Variants in AGBL4 observed in about 807,000 individuals in gnomAD.
The protein encoded by AGBL4 is cytosolic carboxypeptidase 6.
In AGBL4, 58 loss-of-function variants were observed where a neutral mutation model predicts 66.4. The ratio of observed to expected loss-of-function variants is 0.87; its 90% CI spans 0.71 to 1.09. The LOEUF (loss-of-function observed/expected upper bound fraction) is 1.09, where lower values mean the gene tolerates loss of function less well. Ranked by LOEUF, AGBL4 falls within the 50% of genes least tolerant of loss-of-function variation. AGBL4 has a pLI of 0.00. For missense variants in AGBL4, 579 were observed against 631.0 expected (o/e 0.92, Z 0.88); for synonymous variants, 234 against 222.9 (o/e 1.05, Z -0.44).
intron 3 of AGBL4, among the ~76,000 whole-genome samples, chr1:49,459,828 G>A (rs1646471430): frequency 6.6e-6 from 1 of 151,592 alleles, no homozygotes; most frequent in South Asian, 2.1e-4. Context: ...CACTGCTTTT[G>A]CTACATCCCA....
intron 6 of AGBL4, among the ~76,000 whole-genome samples, chr1:48,748,835 T>C (rs1049659771): frequency 1.3e-5 from 2 of 152,090 alleles, no homozygotes; most frequent in Non-Finnish European, 2.9e-5. Context: ...GCCGGGGTTC[T>C]TCAGGTCCTC....
At chr1:49,741,858 T>A (rs1419807861) in intron 2 of AGBL4, among the ~76,000 whole-genome samples, 1 of 152,086 alleles carries the variant, frequency 6.6e-6, no homozygotes, top group Non-Finnish European at 1.5e-5. Context: ...CAACACTTCA[T>A]GCTAAAAACT....
chr1:49,371,286 T>TAC (rs35387440), intron 3 of AGBL4, among the ~76,000 whole-genome samples: 7 of 145,722 alleles, frequency 4.8e-5, no homozygotes, highest in South Asian at 2.2e-4. Context: ...CATACATACA[T>TAC]ACACACACAC....
At chr1:48,762,985 G>A (rs1006383815) in intron 6 of AGBL4, among the ~76,000 whole-genome samples, 1 of 151,986 alleles carries the variant, frequency 6.6e-6, no homozygotes, top group Middle Eastern at 3.2e-3. Context: ...GCAACCCACC[G>A]AACAGTGCCT....
At chr1:48,961,781 G>T (rs1438556370) in intron 5 of AGBL4, among the ~76,000 whole-genome samples, 6 of 152,178 alleles carry the variant, frequency 3.9e-5, no homozygotes, top group Non-Finnish European at 8.8e-5. Flanking sequence ...AGAACAATAT[G>T]AACCTTTTCC....
intron 5 of AGBL4, among the ~76,000 whole-genome samples, chr1:48,890,404 T>C (rs1323437914): frequency 6.6e-6 from 1 of 152,182 alleles, no homozygotes; most frequent in African/African-American, 2.4e-5. Context: ...ATTATATTAC[T>C]TTAAAGGGTA....
chr1:49,992,118 T>G (rs1306485312), intron 1 of AGBL4, among the ~76,000 whole-genome samples: 1 of 152,172 alleles, frequency 6.6e-6, no homozygotes, highest in African/African-American at 2.4e-5. Flanking sequence ...ACGCCTGTAA[T>G]CCCAGCACTT....
intron 3 of AGBL4, among the ~76,000 whole-genome samples, chr1:49,413,050 T>G (rs778857631): frequency 2.0e-5 from 3 of 152,022 alleles, no homozygotes; most frequent in Non-Finnish European, 4.4e-5. Context: ...CAGAATGCAG[T>G]AGATTGAAGA....
At chr1:49,580,808 T>C (rs1455195072) in intron 3 of AGBL4, among the ~76,000 whole-genome samples, 1 of 152,242 alleles carries the variant, frequency 6.6e-6, no homozygotes, top group African/African-American at 2.4e-5. Flanking sequence ...TCTTTCACTT[T>C]GACTTTAGAA....
intron 1 of AGBL4, among the ~76,000 whole-genome samples, chr1:49,865,091 C>A (rs761737866): frequency 2.6e-5 from 4 of 152,298 alleles, no homozygotes; most frequent in South Asian, 2.1e-4. Context: ...GGTTTACGGA[C>A]AAAACTCTGA....
Position 48,824,814 on chromosome 1 carries a change from G to A in AGBL4, c.634+42377C>T, listed in dbSNP as rs183544033. On this transcript the variant is annotated intron_variant, in intron 6 of 13. Transcript: ENST00000371839. ...AAGCTGAGGGGCTACGGGGGCAAGC[G>A]AGGAAGCAGATGTGCTCTGCGTGCT... is the stretch of plus-strand genomic sequence containing the variant. Among the ~76,000 whole-genome samples the A allele has an allele frequency of 1.1e-4, 17 of 152,304 alleles. 1 individual carries two copies. The East Asian group carries it at 2.9e-3, about 26-fold the overall frequency.
intron 3 of AGBL4, among the ~76,000 whole-genome samples, chr1:49,286,659 T>C (rs370432514): frequency 6.6e-6 from 1 of 151,724 alleles, no homozygotes; most frequent in South Asian, 2.1e-4. Context: ...TTACAAGGGA[T>C]GTGAAGGACC....
chr1:49,643,745 A>G (rs1306847551), intron 3 of AGBL4, among the ~76,000 whole-genome samples: 2 of 151,698 alleles, frequency 1.3e-5, no homozygotes, highest in East Asian at 1.9e-4. Flanking sequence ...ATGTTACTAA[A>G]TATCTTTGTA....
At chr1:49,538,306 G>A (rs948995943) in intron 3 of AGBL4, among the ~76,000 whole-genome samples, 1 of 152,200 alleles carries the variant, frequency 6.6e-6, no homozygotes, top group African/African-American at 2.4e-5. Flanking sequence ...AGCAACACCA[G>A]TGGAACTGGA....
intron 3 of AGBL4, among the ~76,000 whole-genome samples, chr1:49,640,557 G>A (rs1396482265): frequency 6.6e-6 from 1 of 152,048 alleles, no homozygotes; most frequent in Non-Finnish European, 1.5e-5. Context: ...TTTTTATGTA[G>A]CAGAAACTTA....
At chr1:49,409,067 T>A (rs1645262333) in intron 3 of AGBL4, among the ~76,000 whole-genome samples, 1 of 151,952 alleles carries the variant, frequency 6.6e-6, no homozygotes, top group Non-Finnish European at 1.5e-5. Flanking sequence ...CTAAACCAAA[T>A]CTTTTCATTC....
intron 8 of AGBL4, chr1:48,647,534 C>T (rs1557851759): frequency 5.3e-6 from 2 of 376,516 alleles, no homozygotes; most frequent in East Asian, 8.0e-5. Flanking sequence ...ATAAATAAAA[C>T]CAATAAATTT....
At chr1:49,687,215 A>C (rs1276315105) in intron 3 of AGBL4, among the ~76,000 whole-genome samples, 2 of 152,196 alleles carry the variant, frequency 1.3e-5, no homozygotes, top group Non-Finnish European at 2.9e-5. Context: ...AAATTGCATG[A>C]AACCCTGGAC....
intron 10 of AGBL4, among the ~76,000 whole-genome samples, 182 bp downstream of exon 10, chr1:48,590,651 G>A (rs7550706): frequency 0.058 from 8,772 of 152,180 alleles, 308 homozygotes; most frequent in African/African-American, 0.095. Context: ...CACCCTGACT[G>A]GTGATGAGCA....
Sources: gnomAD v4.1 joint callset for allele counts (sites outside exome capture counted in the v4.1 genomes callset) on GRCh38, gnomAD v4.1.1 for gene constraint, MANE v1.5 for transcripts, NCBI Gene and HGNC (gene_info 2026-07-23, HGNC 2026-07-21) for gene names.